The following RALYL variants were observed in gnomAD, a reference collection of about 807,000 sequenced individuals.
The protein encoded by RALYL is RNA-binding Raly-like protein.
In RALYL, 29 loss-of-function variants were observed where a neutral mutation model predicts 35.1. The observed-to-expected ratio is 0.83, with a 90% CI of 0.61 to 1.13. The LOEUF (loss-of-function observed/expected upper bound fraction) is 1.13. RALYL is among the 50% of genes most tolerant of loss of function. The pLI, the probability that RALYL is intolerant of heterozygous loss-of-function variation, is 0.00. For missense variants in RALYL, 359 were observed against 360.4 expected (o/e 1.00, Z 0.03); for synonymous variants, 120 against 127.6 (o/e 0.94, Z 0.40).
At chr8:84,833,577 G>A (rs1488805559) in intron 4 of RALYL, among the ~76,000 whole-genome samples, 1 of 150,840 alleles carries the variant, frequency 6.6e-6, no homozygotes, top group East Asian at 1.9e-4. Context: ...GGCGGAGGTT[G>A]CAGTGAGCTG....
intron 2 of RALYL, among the ~76,000 whole-genome samples, chr8:84,666,894 C>T (rs1458989346): frequency 2.0e-5 from 3 of 152,048 alleles, no homozygotes; most frequent in African/African-American, 7.2e-5. Flanking sequence ...GTGCTGGGCA[C>T]TCTGGTGGTA....
intron 2 of RALYL, among the ~76,000 whole-genome samples, chr8:84,569,999 A>G (rs1206637054): frequency 6.6e-6 from 1 of 151,922 alleles, no homozygotes; most frequent in Non-Finnish European, 1.5e-5. Flanking sequence ...GCCTTGTAGT[A>G]TGAATTGAAT....
chr8:84,675,412 T>G (rs897084219), intron 2 of RALYL, among the ~76,000 whole-genome samples: 1 of 152,130 alleles, frequency 6.6e-6, no homozygotes, highest in African/African-American at 2.4e-5. Flanking sequence ...AAATGGCTCC[T>G]TAAATAGGAG....
At chr8:84,750,943 C>A (rs1440243156) in intron 2 of RALYL, among the ~76,000 whole-genome samples, 1 of 152,138 alleles carries the variant, frequency 6.6e-6, no homozygotes, top group East Asian at 1.9e-4. Flanking sequence ...AACTAAGACT[C>A]CCTCTTTTTC....
At chr8:84,890,903 G>A (rs891528395) in intron 8 of RALYL, among the ~76,000 whole-genome samples, 4 of 152,074 alleles carry the variant, frequency 2.6e-5, no homozygotes, top group Non-Finnish European at 5.9e-5. Context: ...AACAGGGAAG[G>A]AAAGGAACAC....
intron 1 of RALYL, among the ~76,000 whole-genome samples, chr8:84,367,246 C>T: frequency 6.8e-6 from 1 of 147,554 alleles, no homozygotes. Context: ...AGCGATTCTC[C>T]TGCCTCAGCC....
At chr8:84,849,594 T>C (rs1835395310) in intron 4 of RALYL, among the ~76,000 whole-genome samples, 1 of 151,782 alleles carries the variant, frequency 6.6e-6, no homozygotes, top group Non-Finnish European at 1.5e-5. Flanking sequence ...TCTCGCTCTG[T>C]GTCGCCCAGG....
intron 1 of RALYL, among the ~76,000 whole-genome samples, chr8:84,377,303 G>T (rs1484278176): frequency 6.6e-6 from 1 of 151,620 alleles, no homozygotes; most frequent in African/African-American, 2.4e-5. Context: ...TATGGATTTT[G>T]TGGCCCTCAA....
At chr8:84,645,314 T>G (rs1827261582) in intron 2 of RALYL, among the ~76,000 whole-genome samples, 1 of 151,858 alleles carries the variant, frequency 6.6e-6, no homozygotes, top group Non-Finnish European at 1.5e-5. Flanking sequence ...ACTATATATT[T>G]ATACTATATT....
chr8:84,470,184 T>G (rs563261793), intron 1 of RALYL, among the ~76,000 whole-genome samples: 2 of 152,172 alleles, frequency 1.3e-5, no homozygotes, highest in Non-Finnish European at 2.9e-5. Context: ...AGCTTTTTTA[T>G]AAGTTGTTTT....
chr8:84,783,051 C>T (rs1818560983), intron 3 of RALYL, among the ~76,000 whole-genome samples: 1 of 152,214 alleles, frequency 6.6e-6, no homozygotes, highest in Non-Finnish European at 1.5e-5. Context: ...TTTGTGCTCA[C>T]CATATCACCT....
At chr8:84,241,441 T>C (rs1221453406) in intron 1 of RALYL, among the ~76,000 whole-genome samples, 1 of 152,126 alleles carries the variant, frequency 6.6e-6, no homozygotes, top group African/African-American at 2.4e-5. Flanking sequence ...GAGAAAGTGA[T>C]AGGCTTTCCA....
In RALYL at chr8:84,689,221, C is replaced by A. The variant is rs189234233; in HGVS notation, c.257-85358C>A. Among the ~76,000 whole-genome samples the A allele has an allele frequency of 5.9e-5, 9 of 152,232 alleles. No individual in the cohort carries two copies. The East Asian group carries it at 1.7e-3, about 29-fold the overall frequency. ...TTAGGTATATCTGCCAATGCTATCC[C>A]TCCCCCAACCCCCGACCGCACAACA... On this transcript the variant is annotated intron_variant, in intron 2 of 8. Coordinates refer to ENST00000521268, the MANE Select transcript of RALYL (RefSeq NM_173848.7).
chr8:84,597,799 C>T (rs139307094), intron 2 of RALYL, among the ~76,000 whole-genome samples: 15 of 152,222 alleles, frequency 9.9e-5, no homozygotes, highest in African/African-American at 3.1e-4. Context: ...TCTTTATGTC[C>T]TGTCCATGGG....
intron 1 of RALYL, among the ~76,000 whole-genome samples, chr8:84,329,610 AG>A (rs2130663469): frequency 6.6e-6 from 1 of 152,112 alleles, no homozygotes; most frequent in East Asian, 1.9e-4. Context: ...TAGTTTAATT[AG>A]GTATTATAGG....
intron 1 of RALYL, among the ~76,000 whole-genome samples, chr8:84,271,038 G>A (rs992272443): frequency 6.6e-6 from 1 of 151,512 alleles, no homozygotes; most frequent in Non-Finnish European, 1.5e-5. Flanking sequence ...ACAAGAAGGT[G>A]TAAAAATGGC....
chr8:84,459,212 C>CA (rs889165878), intron 1 of RALYL, among the ~76,000 whole-genome samples: 12 of 151,596 alleles, frequency 7.9e-5, no homozygotes, highest in African/African-American at 2.9e-4. Flanking sequence ...TTAAAGTCTA[C>CA]AAAAGGGATT....
chr8:84,494,974 C>A (rs996541574), intron 1 of RALYL, among the ~76,000 whole-genome samples: 19 of 152,024 alleles, frequency 1.2e-4, no homozygotes, highest in Non-Finnish European at 2.1e-4. Flanking sequence ...TTGTCTTGTA[C>A]CGGTTTTCAA....
intron 1 of RALYL, among the ~76,000 whole-genome samples, chr8:84,260,710 A>G (rs1037270269): frequency 6.6e-6 from 1 of 152,186 alleles, no homozygotes; most frequent in African/African-American, 2.4e-5. Flanking sequence ...GCCTATTACC[A>G]TGACCTACTA....
Sources: allele counts gnomAD v4.1 joint callset (sites outside exome capture counted in the v4.1 genomes callset), GRCh38; gene constraint gnomAD v4.1.1; transcripts MANE v1.5; gene names NCBI Gene and HGNC (gene_info 2026-07-23, HGNC 2026-07-21).